The following ZBTB44 variants were observed in gnomAD, a reference collection of about 807,000 sequenced individuals.
ZBTB44 encodes the protein zinc finger and BTB domain containing 44, also known as zinc finger and BTB domain-containing protein 44.
ZBTB44 carries 15 observed loss-of-function variants against 54.0 expected under a neutral mutation model. That is an observed-to-expected ratio of 0.28 (90% CI 0.19 to 0.43). ZBTB44 has a LOEUF of 0.43. ZBTB44 is among the 20% of genes least tolerant of loss of function. The probability of loss-of-function intolerance (pLI) is 1.00; values close to 1 mark genes in which losing one functional copy is unlikely to be tolerated. For missense variants in ZBTB44, 487 were observed against 707.1 expected, an observed-to-expected ratio of 0.69 and a Z score of 3.53; for synonymous variants, 230 against 250.1, an observed-to-expected ratio of 0.92 and a Z score of 0.76.
Position 130,258,317 on chromosome 11 carries a change from C to T in ZBTB44, c.1018+2539G>A, listed in dbSNP as rs1335064119. On this transcript the variant is annotated intron_variant, in intron 2 of 7. Coordinates refer to ENST00000357899, the MANE Select transcript of ZBTB44 (RefSeq NM_001301098.2). The stretch of plus-strand genomic sequence containing the variant: ...TATACATATTCAGTATCATCAGGTA[C>T]TAAGTCTTTCTTTACAAAGTCTTGT... Among the ~76,000 whole-genome samples the T allele has an allele frequency of 2.0e-5, 3 of 152,282 alleles. No individual in the cohort carries two copies. The South Asian group carries it at 6.2e-4, about 32-fold the overall frequency.
At chr11:130,268,244 G>T (rs1363883781) in intron 1 of ZBTB44, among the ~76,000 whole-genome samples, 2 of 148,406 alleles carry the variant, frequency 1.3e-5, no homozygotes, top group Non-Finnish European at 3.0e-5. Context: ...AAAGCGGGGG[G>T]TGGAGTGGGG....
intron 1 of ZBTB44, among the ~76,000 whole-genome samples, chr11:130,301,509 T>A (rs1188856124): frequency 6.6e-6 from 1 of 151,864 alleles, no homozygotes; most frequent in Non-Finnish European, 1.5e-5. Context: ...ACAAAAAATA[T>A]AATAATCCGC....
Position 130,300,101 on chromosome 11 carries a change from G to A in ZBTB44, c.-57+14274C>T, listed in dbSNP as rs1002878192. ...TGATTCCGATTACACGATGTACTTAGAGGACACTCAAATTCAGAGACAGAA... is the reference window on the plus strand; with the variant it reads ...TGATTCCGATTACACGATGTACTTAAAGGACACTCAAATTCAGAGACAGAA... On this transcript the variant is annotated intron_variant, in intron 1 of 7. Coordinates refer to ENST00000357899, the MANE Select transcript of ZBTB44 (RefSeq NM_001301098.2). 3.3e-5 allele frequency among the ~76,000 whole-genome samples: 5 copies of A among 152,282 alleles called. No homozygotes were observed. In the South Asian group the frequency reaches 8.3e-4, roughly 25 times the overall value.
At chr11:130,251,367 A>C (rs1249154163) in intron 2 of ZBTB44, among the ~76,000 whole-genome samples, 2 of 152,236 alleles carry the variant, frequency 1.3e-5, no homozygotes, top group Non-Finnish European at 2.9e-5. Context: ...GCTGGAAAAC[A>C]CACTTCAGAA....
chr11:130,241,282 A>G (rs1954352102), intron 2 of ZBTB44, among the ~76,000 whole-genome samples: 2 of 152,228 alleles, frequency 1.3e-5, no homozygotes, highest in South Asian at 4.1e-4. Flanking sequence ...TTATTAGAAA[A>G]TACTAAACTC....
chr11:130,284,797 T>C (rs1453845124), intron 1 of ZBTB44, among the ~76,000 whole-genome samples: 4 of 151,142 alleles, frequency 2.6e-5, no homozygotes, highest in Non-Finnish European at 5.9e-5. Context: ...ACCCAGGAGG[T>C]AGAGGTTGCA....
chr11:130,242,777 T>C (rs1954436850), intron 2 of ZBTB44, among the ~76,000 whole-genome samples: 1 of 152,194 alleles, frequency 6.6e-6, no homozygotes, highest in African/African-American at 2.4e-5. Flanking sequence ...GTGTTTCTTT[T>C]TACTATTCCT....
chr11:130,233,049 T>G (rs1311210939), intron 7 of ZBTB44: 3 of 379,858 alleles, frequency 7.9e-6, no homozygotes, highest in Non-Finnish European at 9.3e-6. Context: ...AATAGAGAAT[T>G]ATTTATTATG....
At chr11:130,272,216 CGAGACTCCGTCTCCAAAAAAAAA>C (rs1424933945) in intron 1 of ZBTB44, among the ~76,000 whole-genome samples, 2 of 151,220 alleles carry the variant, frequency 1.3e-5, no homozygotes, top group Non-Finnish European at 2.9e-5. Context: ...TGGGTGTCAA[CGAGACTCCGTCTCCAAAAAAAAA>C]AAGAGTGTAT....
At chr11:130,249,749 A>C (rs1937840994) in intron 2 of ZBTB44, among the ~76,000 whole-genome samples, 1 of 152,212 alleles carries the variant, frequency 6.6e-6, no homozygotes, top group Non-Finnish European at 1.5e-5. Context: ...CTTTTCCCAC[A>C]GTTTTTGCAA....
chr11:130,308,563 T>C (rs1592084279), intron 1 of ZBTB44, among the ~76,000 whole-genome samples: 1 of 152,308 alleles, frequency 6.6e-6, no homozygotes, highest in Middle Eastern at 3.4e-3. Context: ...AATAAGATAA[T>C]GTATAAAATG....
intron 1 of ZBTB44, among the ~76,000 whole-genome samples, chr11:130,308,836 T>C (rs992530097): frequency 1.3e-5 from 2 of 152,192 alleles, no homozygotes; most frequent in African/African-American, 4.8e-5. Context: ...CACTCCCTAA[T>C]GGAACTAGAT....
At chr11:130,244,055 T>C (rs577090585) in intron 2 of ZBTB44, among the ~76,000 whole-genome samples, 11 of 152,326 alleles carry the variant, frequency 7.2e-5, no homozygotes, top group South Asian at 4.1e-4. Flanking sequence ...TTTTGGCAAA[T>C]GTCTTAAAGG....
Position 130,268,671 on chromosome 11 carries a change from C to T in ZBTB44, c.-56-6742G>A, listed in dbSNP as rs541917293. The stretch of plus-strand genomic sequence containing the variant: ...TTGGCTCACTGCAACCTCCGCCTCC[C>T]GGGTTCAAGCAATTCTCCTGCTTCA... On this transcript the variant is annotated intron_variant, in intron 1 of 7. Transcript: ENST00000357899. Among the ~76,000 whole-genome samples, 451 of 152,052 alleles carry T rather than the reference C, an allele frequency of 3.0e-3. 1 individual carries two copies. Among genetic ancestry groups the T allele is most frequent in the Non-Finnish European group, 4.5e-3 (305 of 67,996 alleles).
At chr11:130,274,348 C>G (rs1939899649) in intron 1 of ZBTB44, among the ~76,000 whole-genome samples, 2 of 152,136 alleles carry the variant, frequency 1.3e-5, no homozygotes. Flanking sequence ...AACTAGATGC[C>G]TTTTATTTAT....
intron 1 of ZBTB44, among the ~76,000 whole-genome samples, chr11:130,275,583 T>C (rs1940001050): frequency 6.6e-6 from 1 of 152,202 alleles, no homozygotes. Context: ...TCTCAAATTT[T>C]TTCCTGCTTT....
intron 1 of ZBTB44, among the ~76,000 whole-genome samples, chr11:130,282,077 T>C (rs925870706): frequency 2.0e-4 from 30 of 152,182 alleles, no homozygotes; most frequent in African/African-American, 7.0e-4. Flanking sequence ...CACCCTATTA[T>C]AAACTAAAGC....
intron 1 of ZBTB44, among the ~76,000 whole-genome samples, chr11:130,282,364 T>C (rs988486073): frequency 5.9e-5 from 9 of 152,248 alleles, no homozygotes; most frequent in Admixed American, 3.3e-4. Flanking sequence ...TGAATTTGAC[T>C]ACTGAAGGTA....
intron 1 of ZBTB44, among the ~76,000 whole-genome samples, chr11:130,264,974 G>A (rs1939147533): frequency 6.6e-6 from 1 of 152,014 alleles, no homozygotes; most frequent in African/African-American, 2.4e-5. Flanking sequence ...TATCTGTTAT[G>A]GTGATCTGTG....
Sources: allele counts gnomAD v4.1 joint callset (sites outside exome capture counted in the v4.1 genomes callset), GRCh38; gene constraint gnomAD v4.1.1; transcripts MANE v1.5; gene names NCBI Gene and HGNC (gene_info 2026-07-23, HGNC 2026-07-21).